Variants in HP1BP3 observed in about 807,000 individuals in gnomAD.
HP1BP3 encodes the protein heterochromatin protein 1-binding protein 3.
HP1BP3 carries 12 observed loss-of-function variants against 62.5 expected under a neutral mutation model. That is an observed-to-expected ratio of 0.19 (90% confidence interval 0.12 to 0.31). The LOEUF is 0.31. Among genes scored for constraint, HP1BP3 ranks in the 10% least tolerant of loss-of-function variants. HP1BP3 has a pLI of 1.00. For synonymous variants in HP1BP3, 260 were observed against 237.8 expected (o/e 1.09, Z -0.86); for missense variants, 502 against 651.8 (o/e 0.77, Z 2.50).
chr1:20,745,217 G>T, intron 12 of HP1BP3, 126 bp from the exon 13 acceptor site: 1 of 1,098,718 alleles, frequency 9.1e-7, no homozygotes, highest in Non-Finnish European at 1.3e-6. Flanking sequence ...ATAGGAATGT[G>T]ACAATTTTTT....
chr1:20,785,932 C>G (rs1398034805), intron 1 of HP1BP3, among the ~76,000 whole-genome samples: 2 of 152,214 alleles, frequency 1.3e-5, no homozygotes, highest in Non-Finnish European at 2.9e-5. Flanking sequence ...TAATTTCACT[C>G]TAAGACAAGA....
In HP1BP3 at chr1:20,741,690, T is replaced by C. The variant is rs964206619; in HGVS notation, c.*3107A>G. Among the ~76,000 whole-genome samples, 5 of 152,214 alleles carry C rather than the reference T, an allele frequency of 3.3e-5. No homozygotes were observed. Among genetic ancestry groups the C allele is most frequent in the African/African-American group, 4.8e-5 (2 of 41,444 alleles). ...TGTAGGTTAAGAAGCCAACAATCTC[T>C]CTCCCAGCACTTTCTGAGACTCATT... is the stretch of plus-strand genomic sequence containing the variant. On this transcript the variant is annotated 3_prime_UTR_variant, in exon 13 of 13. Coordinates refer to ENST00000438032, the MANE Select transcript of HP1BP3 (RefSeq NM_001372052.1).
chr1:20,761,108 G>C (rs576378350), intron 8 of HP1BP3, among the ~76,000 whole-genome samples: 1 of 152,084 alleles, frequency 6.6e-6, no homozygotes, highest in African/African-American at 2.4e-5. Flanking sequence ...GCAGTGGTGT[G>C]ATCTTGGCTC....
In HP1BP3 at chr1:20,741,023, T is replaced by C. The variant is rs377087073; in HGVS notation, c.*3774A>G. On this transcript the variant is annotated 3_prime_UTR_variant, in exon 13 of 13. Transcript: ENST00000438032. ...AAGTGAGTGACCATCTGTTCCACCA[T>C]GAAAATGCAAAAGCAAAATCTACAT... 1.3e-5 allele frequency among the ~76,000 whole-genome samples: 2 copies of C among 152,196 alleles called. No homozygotes were observed. The highest frequency in any genetic ancestry group is 1.3e-4 in the Admixed American group (2 of 15,284).
At chr1:20,745,139 C>G (rs759434336) in intron 12 of HP1BP3, 48 bp from the exon 13 acceptor site, 15 of 1,536,276 alleles carry the variant, frequency 9.8e-6, no homozygotes, top group Non-Finnish European at 3.5e-6. Flanking sequence ...TTAAGAGATT[C>G]GTTTTGTTGG....
intron 9 of HP1BP3, among the ~76,000 whole-genome samples, chr1:20,750,815 TC>T (rs1344760055): frequency 2.6e-4 from 26 of 99,746 alleles, no homozygotes; most frequent in Admixed American, 4.1e-4. Flanking sequence ...ATATTTTCTC[TC>T]TTTTTTTTTT....
chr1:20,748,489 G>A (rs1164136303), intron 10 of HP1BP3, among the ~76,000 whole-genome samples: 2 of 152,250 alleles, frequency 1.3e-5, no homozygotes, highest in African/African-American at 2.4e-5. Context: ...GCTCACGCCT[G>A]TAATCCCAGC....
At chr1:20,765,980 C>CA (rs916472878) in intron 7 of HP1BP3, among the ~76,000 whole-genome samples, 52 of 132,418 alleles carry the variant, frequency 3.9e-4, no homozygotes, top group South Asian at 1.2e-3. Flanking sequence ...AAAAAAAAAA[C>CA]AAAAAAAACA....
At position 20,740,503 on chromosome 1, in the gene HP1BP3, T is replaced by C. The variant is rs76722220; in HGVS notation, c.*4294A>G. ...CCAACAGGAAAAAAGCCACTGAAGTTAACAGTCTTGTGGAAAAGAACAGAA... is the reference window on the plus strand; with the variant it reads ...CCAACAGGAAAAAAGCCACTGAAGTCAACAGTCTTGTGGAAAAGAACAGAA... On this transcript the variant is annotated 3_prime_UTR_variant, in exon 13 of 13. Coordinates refer to ENST00000438032, the MANE Select transcript of HP1BP3 (RefSeq NM_001372052.1). Among the ~76,000 whole-genome samples, 16,317 of 152,262 alleles carry C rather than the reference T, an allele frequency of 0.11. 1,207 individuals carry two copies. Among genetic ancestry groups the C allele is most frequent in the Non-Finnish European group, 0.16 (10,729 of 68,008 alleles).
At chr1:20,745,131 A>C in intron 12 of HP1BP3, 40 bp from the exon 13 acceptor site, 1 of 1,550,270 alleles carries the variant, frequency 6.5e-7, no homozygotes, top group African/African-American at 1.4e-5. Flanking sequence ...TTTAGTACTT[A>C]AGAGATTCGT....
At chr1:20,755,369 C>T (rs1451769800) in intron 9 of HP1BP3, 5 of 452,984 alleles carry the variant, frequency 1.1e-5, no homozygotes, top group Admixed American at 2.4e-5. Flanking sequence ...CCCAGGAGTT[C>T]AAGAGTAGCC....
At chr1:20,758,193 T>C (rs2056239767) in intron 8 of HP1BP3, among the ~76,000 whole-genome samples, 1 of 152,138 alleles carries the variant, frequency 6.6e-6, no homozygotes, top group African/African-American at 2.4e-5. Context: ...TCTTTAAATA[T>C]TAGAATCCTA....
chr1:20,779,836 C>A lies in HP1BP3; in HGVS notation c.172G>T (p.Ala58Ser), dbSNP rs770667030. 3.1e-6 allele frequency: 5 copies of A among 1,612,986 alleles called. No individual in the cohort carries two copies. The South Asian group carries it at 5.5e-5, about 18-fold the overall frequency. ...CCTGGCTTTTCTTCCTCCCCTTCAG[C>A]AAGCTTGCTTTTGGGAGGAGTTTCC... ...TRETPPKSKL[A>S]EGEEEKPEPD... The change falls in exon 3 of 13, where the codon GCT (alanine) becomes TCT (serine). Residue 58 changes from alanine to serine, a missense_variant. Around this residue, in one of 5 missense-constraint regions of HP1BP3, gnomAD observed 165 missense variants for 156.4 expected, o/e 1.05. Coordinates refer to ENST00000438032, the MANE Select transcript of HP1BP3 (RefSeq NM_001372052.1).
chr1:20,763,467 A>G (rs2056599585), intron 8 of HP1BP3, among the ~76,000 whole-genome samples: 1 of 152,186 alleles, frequency 6.6e-6, no homozygotes, highest in Admixed American at 6.5e-5. Flanking sequence ...TTTTCTGAAA[A>G]TGTGGCTTCT....
At chr1:20,751,112 C>A (rs372377209) in intron 9 of HP1BP3, among the ~76,000 whole-genome samples, 4 of 152,030 alleles carry the variant, frequency 2.6e-5, no homozygotes, top group African/African-American at 9.6e-5. Flanking sequence ...CCACTGTGGC[C>A]GGCCATTATT....
chr1:20,749,594 C>T (rs551442913), intron 10 of HP1BP3, 129 bp downstream of exon 10: 17 of 824,770 alleles, frequency 2.1e-5, no homozygotes, highest in South Asian at 1.5e-4. Context: ...CTCCCGACCT[C>T]GTGATCCACC....
intron 10 of HP1BP3, among the ~76,000 whole-genome samples, chr1:20,748,619 G>A (rs1280915475): frequency 6.6e-6 from 1 of 152,134 alleles, no homozygotes; most frequent in Non-Finnish European, 1.5e-5. Flanking sequence ...AATTAGCCAG[G>A]GGTGGTGGCA....
chr1:20,764,233 A>C (rs1362918813), intron 8 of HP1BP3, among the ~76,000 whole-genome samples: 2 of 152,184 alleles, frequency 1.3e-5, no homozygotes, highest in Non-Finnish European at 2.9e-5. Flanking sequence ...AGACTTTTCA[A>C]ACATTTTCAA....
At chr1:20,776,398 T>C (rs1020360114) in intron 4 of HP1BP3, 199 bp downstream of exon 4, 5 of 507,098 alleles carry the variant, frequency 9.9e-6, no homozygotes, top group African/African-American at 4.0e-5. Context: ...ATTCAAACCA[T>C]TGTGTTCTGC....
Sources: gnomAD v4.1 joint callset for allele counts (sites outside exome capture counted in the v4.1 genomes callset) on GRCh38, gnomAD v4.1.1 for gene constraint, gnomAD v4.1.1 regional missense constraint, MANE v1.5 for transcripts, NCBI Gene and HGNC (gene_info 2026-07-23, HGNC 2026-07-21) for gene names.